ANLN: variants seen among roughly 807,000 people sequenced by gnomAD.
ANLN encodes the protein anillin, actin binding protein.
In ANLN, 59 loss-of-function variants were observed where a neutral mutation model predicts 135.1. The observed-to-expected ratio is 0.44, with a 90% CI of 0.35 to 0.54. ANLN has a LOEUF of 0.54. Among genes scored for constraint, ANLN ranks in the 20% least tolerant of loss-of-function variants. ANLN has a pLI of 0.00. For synonymous variants in ANLN, 406 were observed against 456.4 expected, an observed-to-expected ratio of 0.89 and a Z score of 1.41; for missense variants, 1,182 against 1,340.0, an observed-to-expected ratio of 0.88 and a Z score of 1.84.
chr7:36,397,123 A>G (rs759618152), intron 2 of ANLN, among the ~76,000 whole-genome samples: 1 of 151,420 alleles, frequency 6.6e-6, no homozygotes, highest in Non-Finnish European at 1.5e-5. Flanking sequence ...AAATATAGAA[A>G]AAATTACAGA....
At chr7:36,428,245 A>G (rs887783478) in intron 20 of ANLN, 1 of 870,636 alleles carries the variant, frequency 1.1e-6, no homozygotes, top group Non-Finnish European at 1.5e-6. Context: ...TAATTCAGCT[A>G]CTTTAACCAG....
At chr7:36,419,147 C>T in intron 9 of ANLN, 97 bp from the exon 10 acceptor site, 19 of 765,934 alleles carry the variant, frequency 2.5e-5, no homozygotes, top group South Asian at 1.3e-4. Flanking sequence ...GGCATTTTTT[C>T]CTATTTAGTA....
At chr7:36,452,345 G>A (rs1418405763) in intron 23 of ANLN, 132 bp from the exon 24 acceptor site, 8 of 1,097,746 alleles carry the variant, frequency 7.3e-6, no homozygotes, top group Admixed American at 2.2e-5. Flanking sequence ...CTGTGGATTA[G>A]CATCCATAAA....
intron 9 of ANLN, among the ~76,000 whole-genome samples, chr7:36,418,609 A>G (rs17213326): frequency 0.028 from 4,265 of 152,308 alleles, 98 homozygotes; most frequent in Non-Finnish European, 0.038. Flanking sequence ...AACGATAGAA[A>G]AAGTCATTTG....
intron 7 of ANLN, among the ~76,000 whole-genome samples, chr7:36,412,328 T>TATATATATATA (rs1554343031): frequency 1.4e-4 from 9 of 63,144 alleles, no homozygotes; most frequent in Non-Finnish European, 2.0e-4. Context: ...TATATATATA[T>TATATATATATA]TTTTTTTTTT....
At position 36,439,204 on chromosome 7, in the gene ANLN, G is replaced by A; in HGVS notation, c.2884G>A (p.Val962Ile). The A allele has an allele frequency of 6.4e-7, 1 of 1,556,764 alleles. No homozygotes were observed. The highest frequency in any genetic ancestry group is 1.2e-5 in the South Asian group (1 of 86,212). Residue 962 changes from valine to isoleucine, a missense_variant and splice_region_variant, in exon 21 of 24, where the codon GTC (valine) becomes ATC (isoleucine). Around this residue, in one of 3 missense-constraint regions of ANLN, gnomAD observed 82 missense variants for 133.3 expected, o/e 0.62. Coordinates refer to ENST00000265748, the MANE Select transcript of ANLN (RefSeq NM_018685.5). Reference sequence around the variant, plus strand: ...AATAATTTACCTGTTTTCTTTGCAGGTCCCCTTTTTATCTTCTTTGGAAGG... The same window carrying A: ...AATAATTTACCTGTTTTCTTTGCAGATCCCCTTTTTATCTTCTTTGGAAGG... ...VGNTKFVLDK[V>I]PFLSSLEGHI...
chr7:36,420,527 A>T (rs1359067738), intron 11 of ANLN, 70 bp from the exon 12 acceptor site: 77 of 1,373,538 alleles, frequency 5.6e-5, no homozygotes, highest in Non-Finnish European at 6.1e-5. Context: ...AATTCTGCTG[A>T]TATGTTCAAT....
chr7:36,406,369 G>T lies in ANLN; in HGVS notation c.676G>T (p.Val226Leu). 1 of 1,614,080 alleles carries T rather than the reference G, an allele frequency of 6.2e-7. No individual in the cohort carries two copies. Among genetic ancestry groups the T allele is most frequent in the Non-Finnish European group, 8.5e-7 (1 of 1,179,934 alleles). Residue 226 changes from valine (V) to leucine (L), a missense_variant, in exon 4 of 24, where the codon GTA becomes TTA. Val to Leu is a conservative substitution (Grantham distance 32). Around this residue, in one of 3 missense-constraint regions of ANLN, gnomAD observed 1,022 missense variants for 1,134.0 expected, o/e 0.90. Transcript: ENST00000265748. ...VNHSFAKQNSVQEQPGTACLS... is the reference protein window; with the variant it reads ...VNHSFAKQNSLQEQPGTACLS... ...TCACTCATTTGCAAAACAAAACAGT[G>T]TACAAGAACAGCCTGGTACCGCTTG...
intron 20 of ANLN, 56 bp downstream of exon 20, chr7:36,427,084 T>A: frequency 8.7e-7 from 1 of 1,143,190 alleles, no homozygotes; most frequent in Non-Finnish European, 1.3e-6. Context: ...TTAGAAAAAT[T>A]AGCTCAATGG....
intron 21 of ANLN, among the ~76,000 whole-genome samples, chr7:36,443,495 TTAAAG>T (rs1424944497): frequency 6.6e-6 from 1 of 152,138 alleles, no homozygotes; most frequent in African/African-American, 2.4e-5. Context: ...TTTAAAAGTC[TTAAAG>T]TAGGTAGAGG....
chr7:36,449,932 G>A (rs977556570), intron 23 of ANLN, 95 bp downstream of exon 23: 37 of 1,225,906 alleles, frequency 3.0e-5, no homozygotes, highest in Non-Finnish European at 3.7e-5. Context: ...GGTCCTTGAC[G>A]TTGAAAAGGG....
At chr7:36,441,767 G>T (rs1788782724) in intron 21 of ANLN, among the ~76,000 whole-genome samples, 1 of 152,158 alleles carries the variant, frequency 6.6e-6, no homozygotes, top group Admixed American at 6.5e-5. Flanking sequence ...TTTATCAAAA[G>T]TTACCTTGTC....
chr7:36,447,417 C>CTTTTTTTT (rs978030270), intron 22 of ANLN, among the ~76,000 whole-genome samples: 6 of 105,870 alleles, frequency 5.7e-5, no homozygotes, highest in African/African-American at 1.0e-4. Flanking sequence ...AGCAGTTGAT[C>CTTTTTTTT]TTTTTTTTTT....
At chr7:36,394,103 A>C (rs1258476077) in intron 1 of ANLN, among the ~76,000 whole-genome samples, 1 of 152,172 alleles carries the variant, frequency 6.6e-6, no homozygotes, top group African/African-American at 2.4e-5. Context: ...AGCTGGGACT[A>C]CAGATGTGCC....
intron 20 of ANLN, among the ~76,000 whole-genome samples, chr7:36,432,395 CT>C (rs1159211206): frequency 1.3e-5 from 2 of 152,304 alleles, no homozygotes; most frequent in East Asian, 3.9e-4. Flanking sequence ...TCAAACCATC[CT>C]TTGCTGGCAT....
At chr7:36,399,437 A>G (rs772460598) in intron 3 of ANLN, 44 bp downstream of exon 3, 5 of 1,473,776 alleles carry the variant, frequency 3.4e-6, no homozygotes, top group South Asian at 1.3e-5. Context: ...CTGTTCCAAT[A>G]AGATTCAGTT....
At chr7:36,447,549 C>T (rs932970901) in intron 22 of ANLN, among the ~76,000 whole-genome samples, 4 of 151,810 alleles carry the variant, frequency 2.6e-5, no homozygotes, top group Admixed American at 2.0e-4. Context: ...CTTAGCCTCC[C>T]GAGTAGCTGG....
At chr7:36,438,028 A>T (rs1234434810) in intron 20 of ANLN, among the ~76,000 whole-genome samples, 1 of 152,166 alleles carries the variant, frequency 6.6e-6, no homozygotes, top group Non-Finnish European at 1.5e-5. Context: ...ACCTCAGGTG[A>T]TTCACCCGCC....
At position 36,412,195 on chromosome 7, in the gene ANLN, T is replaced by G. The variant is rs563752162; in HGVS notation, c.1395+1029T>G. Among the ~76,000 whole-genome samples the G allele has an allele frequency of 4.0e-5, 6 of 151,434 alleles. No individual in the cohort carries two copies. In the East Asian group the frequency reaches 1.2e-3, roughly 29 times the overall value. ...CTAAATCTGTCACCCACCTGCCTCGTCTTCCATATTTTCCTCTGCTATTAC... is the reference window on the plus strand; with the variant it reads ...CTAAATCTGTCACCCACCTGCCTCGGCTTCCATATTTTCCTCTGCTATTAC... On this transcript the variant is annotated intron_variant, in intron 7 of 23. Transcript: ENST00000265748.
Sources: allele counts gnomAD v4.1 joint callset (sites outside exome capture counted in the v4.1 genomes callset), GRCh38; gene constraint gnomAD v4.1.1; regional missense constraint gnomAD v4.1.1; transcripts MANE v1.5; gene names NCBI Gene and HGNC (gene_info 2026-07-23, HGNC 2026-07-21).